The following NRXN1 variants were observed in gnomAD, a reference collection of about 807,000 sequenced individuals.
NRXN1 encodes the protein neurexin-1.
In NRXN1, 39 loss-of-function variants were observed where a neutral mutation model predicts 150.9. The ratio of observed to expected loss-of-function variants is 0.26; its 90% CI spans 0.20 to 0.34. The LOEUF (loss-of-function observed/expected upper bound fraction) is 0.34, where lower values mean the gene tolerates loss of function less well. Among genes scored for constraint, NRXN1 ranks in the 10% least tolerant of loss-of-function variants. The pLI, the probability that NRXN1 is intolerant of heterozygous loss-of-function variation, is 1.00. For synonymous variants in NRXN1, 924 were observed against 757.0 expected (o/e 1.22, Z -3.62); for missense variants, 1,815 against 1,949.9 (o/e 0.93, Z 1.30).
chr2:50,056,206 A>G lies in NRXN1; in HGVS notation c.3719-1162T>C, dbSNP rs184992049. ...CATAAAAAGACTGGAGTGTTTTGTT[A>G]GAGAAGATAAATGAATAGATTTACA... On this transcript the variant is annotated intron_variant, in intron 19 of 22. Coordinates refer to ENST00000401669, the MANE Select transcript of NRXN1 (RefSeq NM_001330078.2). Among the ~76,000 whole-genome samples the G allele has an allele frequency of 3.1e-3, 472 of 152,274 alleles. 1 individual carries two copies. Among genetic ancestry groups the G allele is most frequent in the African/African-American group, 0.01 (428 of 41,582 alleles).
chr2:50,695,655 A>G (rs1254644030), intron 5 of NRXN1, among the ~76,000 whole-genome samples: 1 of 152,218 alleles, frequency 6.6e-6, no homozygotes, highest in Non-Finnish European at 1.5e-5. Context: ...AAATATGTTA[A>G]TAGTTCTAAG....
At chr2:50,221,184 TA>T (rs36100323) in intron 18 of NRXN1, among the ~76,000 whole-genome samples, 62,887 of 151,756 alleles carry the variant, frequency 0.41, 13,200 homozygotes, top group Middle Eastern at 0.46. Context: ...CTGTTGGAAA[TA>T]AACAACAAAG....
intron 17 of NRXN1, among the ~76,000 whole-genome samples, chr2:50,320,282 TCA>T (rs2075918521): frequency 2.1e-5 from 1 of 47,536 alleles, no homozygotes; most frequent in Non-Finnish European, 3.9e-5. Flanking sequence ...TATACCTCAA[TCA>T]TATATATATA....
At chr2:50,487,673 C>A (rs180989209) in intron 15 of NRXN1, among the ~76,000 whole-genome samples, 1 of 152,302 alleles carries the variant, frequency 6.6e-6, no homozygotes, top group Admixed American at 6.5e-5. Flanking sequence ...GGGATGGAAG[C>A]TGGCTTTCTT....
chr2:50,339,525 A>G (rs2077412309), intron 17 of NRXN1, among the ~76,000 whole-genome samples: 3 of 152,232 alleles, frequency 2.0e-5, no homozygotes, highest in Admixed American at 6.5e-5. Flanking sequence ...ATACTGCCTC[A>G]GTTAAAATTC....
chr2:50,841,263 T>C (rs541721977), intron 5 of NRXN1: 2 of 152,722 alleles, frequency 1.3e-5, no homozygotes, highest in South Asian at 4.1e-4. Context: ...TACATCAGTA[T>C]ATGTTAAGGA....
At chr2:50,713,317 A>C (rs1378080941) in intron 5 of NRXN1, among the ~76,000 whole-genome samples, 3 of 151,890 alleles carry the variant, frequency 2.0e-5, no homozygotes, top group Admixed American at 6.6e-5. Flanking sequence ...CTGTCTCAAA[A>C]AAAAAAAAGA....
Position 50,224,147 on chromosome 2 carries a change from C to T in NRXN1, c.3546+12642G>A, listed in dbSNP as rs185392813. Among the ~76,000 whole-genome samples the T allele has an allele frequency of 9.2e-5, 14 of 152,080 alleles. No homozygotes were observed. The East Asian group carries it at 2.7e-3, about 30-fold the overall frequency. The stretch of plus-strand genomic sequence containing the variant: ...ATCATAAAATAATACACTACAAAGA[C>T]TCACTGGTTTCACATCAGTAGTTGG... On this transcript the variant is annotated intron_variant, in intron 18 of 22. Transcript: ENST00000401669.
chr2:49,922,165 C>A lies in NRXN1; in HGVS notation c.4303G>T (p.Val1435Phe). The change falls in exon 23 of 23, where the codon GTT (valine) becomes TTT (phenylalanine). Residue 1435 changes from valine to phenylalanine, a missense_variant. This residue lies in a region of NRXN1 where 265 missense variants were observed against 307.1 expected (regional missense o/e 0.86). Transcript: ENST00000401669. ...RESSSTTGMVVGIVAAAALCI... is the reference protein window; with the variant it reads ...RESSSTTGMVFGIVAAAALCI... ...AGGGCGGCAGCGGCTACTATCCCAA[C>A]GACCATACCCGTGGTGCTGCTGGAC... is the stretch of plus-strand genomic sequence containing the variant. 6.2e-7 allele frequency: 1 copy of A among 1,614,150 alleles called. No individual in the cohort carries two copies. The highest frequency in any genetic ancestry group is 1.1e-5 in the South Asian group (1 of 91,080).
chr2:50,996,985 A>T (rs1045910751), intron 2 of NRXN1, among the ~76,000 whole-genome samples: 2 of 152,006 alleles, frequency 1.3e-5, no homozygotes, highest in Admixed American at 1.3e-4. Context: ...CGTAAGGAGA[A>T]ATATGAGTCA....
chr2:50,646,609 G>T (rs944633713), intron 5 of NRXN1, among the ~76,000 whole-genome samples: 1 of 151,498 alleles, frequency 6.6e-6, no homozygotes, highest in African/African-American at 2.4e-5. Flanking sequence ...TTCCACACTA[G>T]TGACATGAAC....
chr2:50,338,310 T>C (rs369552059), intron 17 of NRXN1, among the ~76,000 whole-genome samples: 5 of 152,284 alleles, frequency 3.3e-5, no homozygotes, highest in African/African-American at 7.2e-5. Context: ...TTCAGAAATA[T>C]GGAATCTAGA....
At chr2:50,487,197 G>A (rs2090935687) in intron 15 of NRXN1, among the ~76,000 whole-genome samples, 1 of 152,182 alleles carries the variant, frequency 6.6e-6, no homozygotes, top group South Asian at 2.1e-4. Context: ...TGATGGTGAT[G>A]ATGATGGTGA....
chr2:50,818,056 A>C (rs1354017842), intron 5 of NRXN1, among the ~76,000 whole-genome samples: 1 of 151,624 alleles, frequency 6.6e-6, no homozygotes, highest in East Asian at 1.9e-4. Context: ...AAAGTAAAAA[A>C]AATCTCTGTT....
intron 18 of NRXN1, among the ~76,000 whole-genome samples, chr2:50,205,414 T>C (rs2062495688): frequency 3.3e-5 from 5 of 152,038 alleles, no homozygotes. Context: ...ATACTAATGA[T>C]CAACAGAAGA....
chr2:50,394,623 C>A lies in NRXN1; in HGVS notation c.3364+70819G>T, dbSNP rs886468463. Among the ~76,000 whole-genome samples the A allele has an allele frequency of 3.9e-5, 6 of 152,004 alleles. No individual in the cohort carries two copies. In the East Asian group the frequency reaches 1.2e-3, roughly 29 times the overall value. On this transcript the variant is annotated intron_variant, in intron 17 of 22. Coordinates refer to ENST00000401669, the MANE Select transcript of NRXN1 (RefSeq NM_001330078.2). ...TCTCTTTTGTGGACGCCTGCTACAGCATCCTAATACGGTTTTTTTTCCTCC... is the reference window on the plus strand; with the variant it reads ...TCTCTTTTGTGGACGCCTGCTACAGAATCCTAATACGGTTTTTTTTCCTCC...
At chr2:50,687,583 T>G (rs1300073995) in intron 5 of NRXN1, among the ~76,000 whole-genome samples, 1 of 152,194 alleles carries the variant, frequency 6.6e-6, no homozygotes, top group Non-Finnish European at 1.5e-5. Flanking sequence ...CCAAGTTTAT[T>G]AAGAATGACA....
intron 5 of NRXN1, among the ~76,000 whole-genome samples, chr2:50,753,967 G>T (rs916208640): frequency 2.8e-5 from 4 of 141,550 alleles, no homozygotes; most frequent in Admixed American, 7.1e-5. Context: ...TTTTTTTTGG[G>T]GGGGGGCGGA....
chr2:50,053,380 G>T lies in NRXN1; in HGVS notation c.4019C>A (p.Ala1340Asp). ...GGACATCTCTGATTGCATGGCAGTG[G>T]CTGTTGACTCAGTTGTCATAGAGGA... ...VPSSMTTEST[A>D]TAMQSEMSTS... is the part of the protein sequence containing the mutation. The change falls in exon 21 of 23, where the codon GCC becomes GAC. Residue 1340 changes from alanine (A) to aspartate (D), a missense_variant. Physicochemically the swap from Ala to Asp is moderately radical, Grantham distance 126 (BLOSUM62 -2). Transcript: ENST00000401669. 3 of 1,613,960 alleles carry T rather than the reference G, an allele frequency of 1.9e-6. No individual in the cohort carries two copies. The highest frequency in any genetic ancestry group is 2.5e-6 in the Non-Finnish European group (3 of 1,179,922).
Sources: gnomAD v4.1 joint callset for allele counts (sites outside exome capture counted in the v4.1 genomes callset) on GRCh38, gnomAD v4.1.1 for gene constraint, gnomAD v4.1.1 regional missense constraint, MANE v1.5 for transcripts, NCBI Gene and HGNC (gene_info 2026-07-23, HGNC 2026-07-21) for gene names.